Variants in MPRIP observed in about 807,000 individuals in gnomAD.
MPRIP encodes myosin phosphatase Rho-interacting protein.
MPRIP carries 59 observed loss-of-function variants against 234.9 expected under a neutral mutation model. That is an observed-to-expected ratio of 0.25 (90% CI 0.20 to 0.31). The LOEUF (loss-of-function observed/expected upper bound fraction) is 0.31. Among genes scored for constraint, MPRIP ranks in the 10% least tolerant of loss-of-function variants. MPRIP has a pLI of 1.00. For missense variants in MPRIP, 2,436 were observed against 3,071.0 expected, an observed-to-expected ratio of 0.79 and a Z score of 4.89; for synonymous variants, 1,144 against 1,263.9, an observed-to-expected ratio of 0.91 and a Z score of 2.01.
intron 1 of MPRIP, among the ~76,000 whole-genome samples, chr17:17,043,598 C>T (rs1220627179): frequency 2.0e-5 from 3 of 152,222 alleles, no homozygotes; most frequent in African/African-American, 4.8e-5. Context: ...CCAGCCTTAA[C>T]TGTCAAACAG....
chr17:17,052,420 C>T (rs1363608972), intron 1 of MPRIP, among the ~76,000 whole-genome samples: 1 of 152,170 alleles, frequency 6.6e-6, no homozygotes, highest in Non-Finnish European at 1.5e-5. Flanking sequence ...TGCACCTGCC[C>T]TCCCTGCCTT....
At chr17:17,083,498 A>T (rs1348989769) in intron 3 of MPRIP, among the ~76,000 whole-genome samples, 1 of 152,164 alleles carries the variant, frequency 6.6e-6, no homozygotes, top group Non-Finnish European at 1.5e-5. Context: ...TATTAAAGCC[A>T]TGAGCAGCCC....
intron 3 of MPRIP, among the ~76,000 whole-genome samples, chr17:17,114,285 G>A (rs2090236287): frequency 6.6e-6 from 1 of 151,990 alleles, no homozygotes; most frequent in South Asian, 2.1e-4. Flanking sequence ...TTGTTGTTGA[G>A]TTTTAGGAGC....
chr17:17,099,267 G>A (rs1425128398), intron 3 of MPRIP, among the ~76,000 whole-genome samples: 2 of 152,140 alleles, frequency 1.3e-5, no homozygotes, highest in Admixed American at 1.3e-4. Flanking sequence ...AACCAGTCCT[G>A]CAGCCTTGTA....
chr17:17,157,081 G>C (rs1378771520), intron 13 of MPRIP, among the ~76,000 whole-genome samples: 1 of 152,194 alleles, frequency 6.6e-6, no homozygotes, highest in African/African-American at 2.4e-5. Context: ...GGGCCCCTCA[G>C]TCAGCCTCGG....
intron 1 of MPRIP, among the ~76,000 whole-genome samples, chr17:17,058,457 G>A (rs1197707172): frequency 3.4e-5 from 5 of 147,508 alleles, no homozygotes; most frequent in African/African-American, 7.6e-5. Context: ...GTGGGGACCC[G>A]GGGAGTGGAG....
chr17:17,098,172 A>G (rs1296835941), intron 3 of MPRIP, among the ~76,000 whole-genome samples: 1 of 152,130 alleles, frequency 6.6e-6, no homozygotes, highest in African/African-American at 2.4e-5. Flanking sequence ...AAGCGAGGAA[A>G]CCGCTGGCAG....
chr17:17,126,545 C>T (rs1461825689), intron 3 of MPRIP, among the ~76,000 whole-genome samples, 157 bp from the exon 4 acceptor site: 1 of 152,190 alleles, frequency 6.6e-6, no homozygotes. Flanking sequence ...CCTGTCCTCC[C>T]TGGGATGGGC....
intron 16 of MPRIP, chr17:17,168,839 C>T (rs550390930): frequency 8.8e-6 from 4 of 456,736 alleles, no homozygotes; most frequent in Admixed American, 7.1e-5. Context: ...GAGCCAGGCG[C>T]GCACACAGCC....
intron 14 of MPRIP, among the ~76,000 whole-genome samples, chr17:17,160,220 G>A (rs1158130439): frequency 6.6e-6 from 1 of 152,208 alleles, no homozygotes; most frequent in Admixed American, 6.5e-5. Flanking sequence ...ACAAAAATTA[G>A]CTGGGCATGG....
In MPRIP at chr17:17,056,627, G is replaced by T. The variant is rs369750037; in HGVS notation, c.123+13656G>T. 6.6e-5 allele frequency among the ~76,000 whole-genome samples: 10 copies of T among 150,668 alleles called. 1 individual carries two copies. In the East Asian group the frequency reaches 9.7e-4, roughly 15 times the overall value. ...CTTGGTTTTGAGGGGTTTTTTTTTT[G>T]AGGTGAAATTCACGCAACATAAAAT... On this transcript the variant is annotated intron_variant, in intron 1 of 23. Transcript: ENST00000651222.
chr17:17,146,720 T>C (rs2045473871), intron 10 of MPRIP, among the ~76,000 whole-genome samples: 1 of 152,246 alleles, frequency 6.6e-6, no homozygotes, highest in Non-Finnish European at 1.5e-5. Flanking sequence ...TAAGAGGCCC[T>C]GATGCCTAGC....
chr17:17,168,988 C>A (rs2046070543), intron 16 of MPRIP: 2 of 456,834 alleles, frequency 4.4e-6, no homozygotes, highest in Non-Finnish European at 8.8e-6. Flanking sequence ...AACAGCAGCT[C>A]ACATGTCACC....
rs2046578076 is a variant in MPRIP at position 17,191,126 on chromosome 17, A to G, written c.*6232A>G. 6.6e-6 allele frequency: 1 copy of G among 152,230 alleles called. No individual in the cohort carries two copies. The highest frequency in any genetic ancestry group is 1.5e-5 in the Non-Finnish European group (1 of 68,032). The allele number at this position is 152,230 out of a possible 1,614,324, so 9.4% of individuals were successfully genotyped here. On this transcript the variant is annotated 3_prime_UTR_variant, in exon 24 of 24. Transcript: ENST00000651222. ...ATGGTTTTAAAGTGTACAATATCCA[A>G]AATAACGATAGCCCTGTATCCATAC...
intron 2 of MPRIP, 168 bp downstream of exon 2, chr17:17,075,955 C>G: frequency 1.6e-6 from 1 of 624,384 alleles, no homozygotes. Context: ...CAGAAAAGGT[C>G]TCAATTATAC....
chr17:17,119,297 C>T (rs1487569568), intron 3 of MPRIP, among the ~76,000 whole-genome samples: 3 of 152,260 alleles, frequency 2.0e-5, no homozygotes, highest in African/African-American at 7.2e-5. Flanking sequence ...CCTAATCAGG[C>T]CATAGCTCAG....
At chr17:17,080,952 T>TTGTG (rs34111584) in intron 3 of MPRIP, among the ~76,000 whole-genome samples, 5 of 151,550 alleles carry the variant, frequency 3.3e-5, no homozygotes, top group African/African-American at 1.2e-4. Context: ...GCAGAACTGC[T>TTGTG]TGTGTGTGTG....
rs748558858 is a variant in MPRIP, at chr17:17,075,773, G to A, written c.187G>A (p.Val63Met). Reference protein sequence around the residue: ...APDGTDFDNPVHRSRKWQRRF... With the variant: ...APDGTDFDNPMHRSRKWQRRF... ...AGATGGGACCGACTTTGACAACCCA[G>A]TGCACCGGTCTCGGGTAAGGGCATC... The change falls in exon 2 of 24, where the codon GTG becomes ATG. Residue 63 changes from valine (V) to methionine (M), a missense_variant. Physicochemically the swap from Val to Met is conservative, Grantham distance 21. This residue lies in a region of MPRIP where 140 missense variants were observed against 207.3 expected (regional missense o/e 0.68). Transcript: ENST00000651222. 1.9e-6 allele frequency: 3 copies of A among 1,614,104 alleles called. No homozygotes were observed. The highest frequency in any genetic ancestry group is 2.2e-5 in the South Asian group (2 of 91,076).
intron 1 of MPRIP, among the ~76,000 whole-genome samples, chr17:17,045,972 AT>A (rs1231346908): frequency 6.6e-6 from 1 of 151,910 alleles, no homozygotes; most frequent in Non-Finnish European, 1.5e-5. Flanking sequence ...TGCCTGGCTA[AT>A]TTTTTGTATT....
Sources: gnomAD v4.1 joint callset for allele counts (sites outside exome capture counted in the v4.1 genomes callset) on GRCh38, gnomAD v4.1.1 for gene constraint, gnomAD v4.1.1 regional missense constraint, MANE v1.5 for transcripts, NCBI Gene and HGNC (gene_info 2026-07-23, HGNC 2026-07-21) for gene names.